CCSER1: variants seen among roughly 807,000 people sequenced by gnomAD.
The protein encoded by CCSER1 is coiled-coil serine rich protein 1.
Under a neutral mutation model 82.0 loss-of-function variants are expected in CCSER1, and 41 were observed. The observed-to-expected ratio is 0.50, with a 90% confidence interval of 0.39 to 0.65. CCSER1 has a LOEUF of 0.65. Among genes scored for constraint, CCSER1 ranks in the 30% least tolerant of loss-of-function variants. The pLI, the probability that CCSER1 is intolerant of heterozygous loss-of-function variation, is 0.00. For missense variants in CCSER1, 1,119 were observed against 1,064.2 expected, an observed-to-expected ratio of 1.05 and a Z score of -0.72; for synonymous variants, 414 against 383.9, an observed-to-expected ratio of 1.08 and a Z score of -0.92.
intron 10 of CCSER1, among the ~76,000 whole-genome samples, chr4:91,340,512 T>C (rs1236565514): frequency 1.3e-5 from 2 of 152,186 alleles, no homozygotes; most frequent in Non-Finnish European, 2.9e-5. Flanking sequence ...TATTTTGATT[T>C]ATGGGCTTTT....
chr4:90,580,988 C>A (rs987302174), intron 5 of CCSER1, among the ~76,000 whole-genome samples: 1 of 152,106 alleles, frequency 6.6e-6, no homozygotes, highest in Non-Finnish European at 1.5e-5. Flanking sequence ...ACTTATACTT[C>A]CTCATTGAAA....
At chr4:90,403,491 T>A (rs1578294814) in intron 4 of CCSER1, among the ~76,000 whole-genome samples, 1 of 103,600 alleles carries the variant, frequency 9.7e-6, no homozygotes, top group Non-Finnish European at 1.7e-5. Flanking sequence ...AGAGCGAGAC[T>A]CCGTCTCAAA....
intron 5 of CCSER1, among the ~76,000 whole-genome samples, chr4:90,585,513 TCTAA>T (rs1260839984): frequency 6.6e-5 from 10 of 152,220 alleles, no homozygotes; most frequent in African/African-American, 1.9e-4. Flanking sequence ...TTCAATATAC[TCTAA>T]AATGCTTTCT....
intron 10 of CCSER1, among the ~76,000 whole-genome samples, chr4:91,432,991 C>A (rs907489912): frequency 6.6e-6 from 1 of 152,004 alleles, no homozygotes; most frequent in Non-Finnish European, 1.5e-5. Context: ...CCTCCCTGCC[C>A]AGAGAGGTAT....
rs1334769808 is a variant in CCSER1 at position 90,724,067 on chromosome 4, T to C, written c.2010+76T>C. 9.9e-6 allele frequency: 9 copies of C among 905,832 alleles called. No individual in the cohort carries two copies. In the Admixed American group the frequency reaches 1.3e-4, roughly 13 times the overall value. The allele number at this position is 905,832 out of a possible 1,614,324, so 56.1% of individuals were successfully genotyped here. On this transcript the variant is annotated intron_variant, in intron 7 of 10. Transcript: ENST00000509176. ...TAAATAGTTTAAAATAGTTTATGTG[T>C]AGATGGTGAAGTGAACTGCTTTAAT...
At chr4:91,440,979 T>G (rs1383966277) in intron 10 of CCSER1, among the ~76,000 whole-genome samples, 2 of 151,770 alleles carry the variant, frequency 1.3e-5, no homozygotes, top group Non-Finnish European at 2.9e-5. Flanking sequence ...CAATAATCAA[T>G]AGCTTACCAA....
intron 1 of CCSER1, among the ~76,000 whole-genome samples, chr4:90,171,047 G>A (rs148745271): frequency 0.017 from 2,523 of 151,630 alleles, 56 homozygotes; most frequent in African/African-American, 0.045. Flanking sequence ...GATGGATACC[G>A]AATTGCCTCT....
intron 9 of CCSER1, among the ~76,000 whole-genome samples, chr4:91,009,789 C>T (rs1343060565): frequency 1.3e-5 from 2 of 152,034 alleles, no homozygotes; most frequent in Non-Finnish European, 2.9e-5. Context: ...TAGATTTTTA[C>T]CCTCCCTCCC....
chr4:90,920,672 C>T (rs1313971617), intron 8 of CCSER1, among the ~76,000 whole-genome samples: 1 of 151,870 alleles, frequency 6.6e-6, no homozygotes, highest in South Asian at 2.1e-4. Flanking sequence ...TACACACACA[C>T]CTCGGGCTCT....
At chr4:90,424,705 C>G (rs1485402145) in intron 4 of CCSER1, among the ~76,000 whole-genome samples, 1 of 152,178 alleles carries the variant, frequency 6.6e-6, no homozygotes, top group Non-Finnish European at 1.5e-5. Context: ...ATGATTGTCT[C>G]CAAAGTCTAC....
chr4:90,467,046 T>C (rs1466424864), intron 4 of CCSER1, among the ~76,000 whole-genome samples: 1 of 152,118 alleles, frequency 6.6e-6, no homozygotes, highest in Admixed American at 6.6e-5. Flanking sequence ...CTACTAGACA[T>C]AGATGAATCT....
At chr4:91,591,610 A>G (rs929776582) in intron 10 of CCSER1, among the ~76,000 whole-genome samples, 1 of 152,204 alleles carries the variant, frequency 6.6e-6, no homozygotes, top group South Asian at 2.1e-4. Context: ...AATTACCAAA[A>G]TTTTTTATTT....
At chr4:90,748,985 G>T (rs1423994922) in intron 7 of CCSER1, among the ~76,000 whole-genome samples, 3 of 149,800 alleles carry the variant, frequency 2.0e-5, no homozygotes, top group Admixed American at 2.0e-4. Context: ...CATTTTGTAG[G>T]TTGCCTGTTC....
At chr4:90,207,243 G>A (rs1326758656) in intron 1 of CCSER1, among the ~76,000 whole-genome samples, 1 of 151,714 alleles carries the variant, frequency 6.6e-6, no homozygotes, top group Non-Finnish European at 1.5e-5. Context: ...GCATTAAGTT[G>A]ATCTTCAATC....
chr4:90,905,363 C>T (rs1036183387), intron 8 of CCSER1, among the ~76,000 whole-genome samples: 55 of 147,008 alleles, frequency 3.7e-4, no homozygotes, highest in African/African-American at 1.2e-3. Flanking sequence ...TCACACCACA[C>T]ACACACACAC....
intron 6 of CCSER1, chr4:90,663,716 A>C (rs930991401): frequency 1.3e-5 from 2 of 157,326 alleles, no homozygotes; most frequent in African/African-American, 4.8e-5. Context: ...AAAATAAGTC[A>C]AATCTAAAAC....
chr4:91,353,045 A>G (rs1479009927), intron 10 of CCSER1, among the ~76,000 whole-genome samples: 1 of 152,240 alleles, frequency 6.6e-6, no homozygotes, highest in Non-Finnish European at 1.5e-5. Context: ...GAGAGAAGGA[A>G]TCGATGTGAA....
intron 9 of CCSER1, among the ~76,000 whole-genome samples, chr4:90,994,805 TC>T (rs1177378275): frequency 6.6e-6 from 1 of 152,130 alleles, no homozygotes; most frequent in African/African-American, 2.4e-5. Context: ...AAAGCCTATT[TC>T]TTTGCTGATT....
At chr4:90,543,691 A>C (rs963177615) in intron 5 of CCSER1, among the ~76,000 whole-genome samples, 1 of 152,142 alleles carries the variant, frequency 6.6e-6, no homozygotes, top group Non-Finnish European at 1.5e-5. Flanking sequence ...TCTCACAAGA[A>C]TGTCTGATAT....
Sources: allele counts gnomAD v4.1 joint callset (sites outside exome capture counted in the v4.1 genomes callset), GRCh38; gene constraint gnomAD v4.1.1; transcripts MANE v1.5; gene names NCBI Gene and HGNC (gene_info 2026-07-23, HGNC 2026-07-21).